Variants in NSUN7 observed in about 807,000 individuals in gnomAD.
The protein encoded by NSUN7 is NOP2/Sun RNA methyltransferase family member 7, also known as protein NSUN7.
In NSUN7, 39 loss-of-function variants were observed where a neutral mutation model predicts 58.5. The observed-to-expected ratio is 0.67, with a 90% CI of 0.52 to 0.87. NSUN7 has a LOEUF of 0.87. Among genes scored for constraint, NSUN7 ranks in the 40% least tolerant of loss-of-function variants. The probability of loss-of-function intolerance (pLI) is 0.00; values close to 1 mark genes in which losing one functional copy is unlikely to be tolerated. For synonymous variants in NSUN7, 278 were observed against 303.7 expected, an observed-to-expected ratio of 0.92 and a Z score of 0.88; for missense variants, 765 against 844.1, an observed-to-expected ratio of 0.91 and a Z score of 1.16.
intron 10 of NSUN7, among the ~76,000 whole-genome samples, chr4:40,800,948 A>G (rs1188722953): frequency 6.6e-6 from 1 of 150,974 alleles, no homozygotes; most frequent in East Asian, 1.9e-4. Flanking sequence ...TTCTTTTGTG[A>G]TTTTCTTCTA....
chr4:40,763,683 G>C (rs1741571147), intron 4 of NSUN7, among the ~76,000 whole-genome samples: 1 of 152,178 alleles, frequency 6.6e-6, no homozygotes, highest in South Asian at 2.1e-4. Flanking sequence ...TAAGAGGTCA[G>C]AGGAACCAGA....
chr4:40,796,592 T>C (rs977168149), intron 9 of NSUN7, among the ~76,000 whole-genome samples: 3 of 152,114 alleles, frequency 2.0e-5, no homozygotes, highest in African/African-American at 7.2e-5. Context: ...ATCACCTCAC[T>C]GCACTCCAGC....
At position 40,757,966 on chromosome 4, in the gene NSUN7, G is replaced by A. The variant is rs1741260292; in HGVS notation, c.299-2468G>A. Among the ~76,000 whole-genome samples, 3 of 151,892 alleles carry A rather than the reference G, an allele frequency of 2.0e-5. No individual in the cohort carries two copies. In the South Asian group the frequency reaches 6.2e-4, roughly 31 times the overall value. On this transcript the variant is annotated intron_variant, in intron 2 of 11. Coordinates refer to ENST00000381782, the MANE Select transcript of NSUN7 (RefSeq NM_024677.6). Reference sequence around the variant, plus strand: ...ACGGAGTTTCACTCTTGTTGCCCAAGCCAGAGTGCAATGTCACGATCTCGG... The same window carrying A: ...ACGGAGTTTCACTCTTGTTGCCCAAACCAGAGTGCAATGTCACGATCTCGG...
At position 40,765,586 on chromosome 4, in the gene NSUN7, AC is replaced by A. The variant is rs1324697988; in HGVS notation, c.488+4286del. On this transcript the variant is annotated intron_variant, in intron 4 of 11. Coordinates refer to ENST00000381782, the MANE Select transcript of NSUN7 (RefSeq NM_024677.6). Reference sequence around the variant, plus strand: ...TGGGCTCTTTTTTGGTTCCATATGAACTTTAAAGTAGTTTTTTCCAATTATG... The same window carrying A: ...TGGGCTCTTTTTTGGTTCCATATGAATTTAAAGTAGTTTTTTCCAATTATG... Among the ~76,000 whole-genome samples the A allele has an allele frequency of 3.1e-3, 472 of 152,116 alleles. 3 individuals carry two copies. Among genetic ancestry groups the A allele is most frequent in the African/African-American group, 0.011 (457 of 41,498 alleles).
rs767753583 is a variant in NSUN7, at chr4:40,750,939, G to A, written c.246G>A (p.Glu82=). The A allele has an allele frequency of 4.3e-6, 7 of 1,614,094 alleles. No homozygotes were observed. The African/African-American group carries it at 8.0e-5, about 18-fold the overall frequency. The change falls in exon 2 of 12, where the codon GAG becomes GAA. Residue 82 remains glutamate (E), a synonymous_variant. Transcript: ENST00000381782. The part of the protein sequence containing the change: ...NEPLRSLSES[E]DQSFQRLSYE... ...CCCTGCGGTCCTTGTCCGAGTCTGA[G>A]GATCAGTCCTTTCAGCGTTTGTCTT...
In NSUN7 at chr4:40,755,680, G is replaced by T. The variant is rs577321184; in HGVS notation, c.298+4689G>T. On this transcript the variant is annotated intron_variant, in intron 2 of 11. Coordinates refer to ENST00000381782, the MANE Select transcript of NSUN7 (RefSeq NM_024677.6). ...TGCGAATTAGTAACTGTAGTCAGGG[G>T]TTCCTAAGACCACCTCCAGATTCAA... 3.0e-3 allele frequency among the ~76,000 whole-genome samples: 464 copies of T among 152,310 alleles called. 1 individual carries two copies. The highest frequency in any genetic ancestry group is 7.1e-3 in the Admixed American group (109 of 15,304).
At chr4:40,752,598 T>G (rs375035707) in intron 2 of NSUN7, among the ~76,000 whole-genome samples, 157 of 152,224 alleles carry the variant, frequency 1.0e-3, no homozygotes, top group African/African-American at 3.6e-3. Flanking sequence ...TTTTTTGTAT[T>G]TTTAGTAGAG....
At chr4:40,757,710 G>GTATATATATACAT in intron 2 of NSUN7, among the ~76,000 whole-genome samples, 1 of 72,568 alleles carries the variant, frequency 1.4e-5, no homozygotes, top group Non-Finnish European at 2.6e-5. Context: ...TATACATTGT[G>GTATATATATACAT]TGTGTGTGTA....
At chr4:40,781,619 T>A (rs1339735601) in intron 7 of NSUN7, among the ~76,000 whole-genome samples, 1 of 152,262 alleles carries the variant, frequency 6.6e-6, no homozygotes, top group African/African-American at 2.4e-5. Flanking sequence ...CTAATTTTTT[T>A]ATTTTTTGTA....
chr4:40,768,007 G>T (rs573366391), intron 4 of NSUN7, among the ~76,000 whole-genome samples: 2 of 152,148 alleles, frequency 1.3e-5, no homozygotes, highest in South Asian at 4.1e-4. Context: ...CTCAGTGCAG[G>T]TCAGGTGCAG....
Position 40,776,181 on chromosome 4 carries a change from A to G in NSUN7, c.958A>G (p.Lys320Glu), listed in dbSNP as rs1742255966. 1 of 1,612,668 alleles carries G rather than the reference A, an allele frequency of 6.2e-7. No homozygotes were observed. Among genetic ancestry groups the G allele is most frequent in the Non-Finnish European group, 8.5e-7 (1 of 1,179,316 alleles). Residue 320 changes from lysine to glutamate, a missense_variant, in exon 7 of 12, where the codon AAA becomes GAA. Coordinates refer to ENST00000381782, the MANE Select transcript of NSUN7 (RefSeq NM_024677.6). ...MSILTNNNTS[K>E]VFVCGVQSQA... ...AATTTTAACAAATAATAATACCTCAAAAGTATTTGTGTGTGGAGTACAATC... is the reference window on the plus strand; with the variant it reads ...AATTTTAACAAATAATAATACCTCAGAAGTATTTGTGTGTGGAGTACAATC...
chr4:40,766,971 C>CTT (rs1317098916), intron 4 of NSUN7, among the ~76,000 whole-genome samples: 1 of 150,536 alleles, frequency 6.6e-6, no homozygotes, highest in Non-Finnish European at 1.5e-5. Flanking sequence ...ATTCTTCTCT[C>CTT]TTTTTTTCTT....
intron 7 of NSUN7, among the ~76,000 whole-genome samples, chr4:40,781,008 C>T (rs1425288315): frequency 3.3e-5 from 5 of 150,542 alleles, no homozygotes; most frequent in East Asian, 2.0e-4. Context: ...TTAGTAGAGA[C>T]GGGGTTTCAC....
At chr4:40,772,083 G>T (rs1045935277) in intron 4 of NSUN7, among the ~76,000 whole-genome samples, 1 of 152,042 alleles carries the variant, frequency 6.6e-6, no homozygotes, top group African/African-American at 2.4e-5. Flanking sequence ...CTGTATAACT[G>T]CATGTACACT....
intron 4 of NSUN7, among the ~76,000 whole-genome samples, chr4:40,770,755 A>C (rs1481124112): frequency 6.6e-6 from 1 of 152,230 alleles, no homozygotes; most frequent in Non-Finnish European, 1.5e-5. Flanking sequence ...AATTTCATTT[A>C]AAAATAAACT....
intron 8 of NSUN7, among the ~76,000 whole-genome samples, chr4:40,791,338 A>G (rs1480684068): frequency 6.6e-6 from 1 of 152,208 alleles, no homozygotes; most frequent in African/African-American, 2.4e-5. Flanking sequence ...TTTAACATTA[A>G]CATTTATTGA....
chr4:40,792,668 T>G (rs112587773), intron 8 of NSUN7, among the ~76,000 whole-genome samples: 3,042 of 152,130 alleles, frequency 0.02, 34 homozygotes, highest in Non-Finnish European at 0.029. Context: ...GGAGAATGGC[T>G]TGAACCCCGG....
rs536590872 is a variant in NSUN7, at chr4:40,808,181, CTATTTCT to C, written c.1525-117_1525-111del. On this transcript the variant is annotated intron_variant, in intron 11 of 11. Coordinates refer to ENST00000381782, the MANE Select transcript of NSUN7 (RefSeq NM_024677.6). ...GAGATTGGGGACTAAGGCCTAAAAACTATTTCTTATTTCTTTTAGTATAATAAAGAGA... is the reference window on the plus strand; with the variant it reads ...GAGATTGGGGACTAAGGCCTAAAAACTATTTCTTTTAGTATAATAAAGAGA... 667 of 1,115,332 alleles carry C rather than the reference CTATTTCT, an allele frequency of 6.0e-4. 3 individuals carry two copies. In the African/African-American group the frequency reaches 9.6e-3, roughly 16 times the overall value. 69.1% of individuals were successfully genotyped at this position (1,115,332 alleles called of 1,614,324 possible).
At chr4:40,776,762 C>T (rs780653480) in intron 7 of NSUN7, among the ~76,000 whole-genome samples, 2 of 152,086 alleles carry the variant, frequency 1.3e-5, no homozygotes, top group Non-Finnish European at 2.9e-5. Context: ...ACTACAGGCT[C>T]ATGCCACTAT....
Sources: allele counts gnomAD v4.1 joint callset (sites outside exome capture counted in the v4.1 genomes callset), GRCh38; gene constraint gnomAD v4.1.1; transcripts MANE v1.5; gene names NCBI Gene and HGNC (gene_info 2026-07-23, HGNC 2026-07-21).